The following PDZD7 variants were observed in gnomAD, a reference collection of about 807,000 sequenced individuals.
PDZD7 encodes PDZ domain-containing protein 7.
In PDZD7, 72 loss-of-function variants were observed where a neutral mutation model predicts 84.7. The observed-to-expected ratio is 0.85, with a 90% CI of 0.70 to 1.03. The LOEUF (loss-of-function observed/expected upper bound fraction) is 1.03, where lower values mean the gene tolerates loss of function less well. Ranked by LOEUF, PDZD7 falls within the 50% of genes least tolerant of loss-of-function variation. The pLI is 0.00. For missense variants in PDZD7, 1,490 were observed against 1,412.9 expected (o/e 1.05, Z -0.87); for synonymous variants, 594 against 580.7 (o/e 1.02, Z -0.33).
At chr10:101,012,831 C>T (rs900405683) in intron 11 of PDZD7, among the ~76,000 whole-genome samples, 4 of 152,192 alleles carry the variant, frequency 2.6e-5, no homozygotes, top group Non-Finnish European at 1.5e-5. Context: ...AGGCTTTGTT[C>T]GGGGCTAGAA....
In PDZD7 at chr10:101,030,004, G is replaced by A. The variant is rs1937995944; in HGVS notation, c.216C>T (p.Ser72=). The A allele has an allele frequency of 6.2e-7, 1 of 1,612,872 alleles. No individual in the cohort carries two copies. Among genetic ancestry groups the A allele is most frequent in the Middle Eastern group, 2.0e-4 (1 of 5,106 alleles). ...SPMGRVILIN[S]PIEANSDESD... Reference sequence around the variant, plus strand: ...GGGTCCCGCCCCTACCTTCGATGGGGGAGTTGATGAGGATGACGCGTCCCA... The same window carrying A: ...GGGTCCCGCCCCTACCTTCGATGGGAGAGTTGATGAGGATGACGCGTCCCA... The change falls in exon 2 of 17, where the codon TCC becomes TCT. Residue 72 remains serine (S), a synonymous_variant. Coordinates refer to ENST00000619208, the MANE Select transcript of PDZD7 (RefSeq NM_001195263.2).
At position 101,008,601 on chromosome 10, in the gene PDZD7, G is replaced by A. The variant is rs1188645096; in HGVS notation, c.2968C>T (p.Leu990Phe). The A allele has an allele frequency of 2.0e-6, 3 of 1,536,032 alleles. No homozygotes were observed. Among genetic ancestry groups the A allele is most frequent in the South Asian group, 1.2e-5 (1 of 84,056 alleles). Reference sequence around the variant, plus strand: ...TGGGGATTGGTGGGAGGTTCTGGGAGCCAGTGGGCAGGAACTGGAGCAGCA... The same window carrying A: ...TGGGGATTGGTGGGAGGTTCTGGGAACCAGTGGGCAGGAACTGGAGCAGCA... ...LDAAPVPAHW[L>F]PEPPTNPQTP... Residue 990 changes from leucine to phenylalanine, a missense_variant, in exon 17 of 17, where the codon CTC (leucine) becomes TTC (phenylalanine). Transcript: ENST00000619208.
rs200896335 is a variant in PDZD7 at position 101,010,536 on chromosome 10, TGCTGCG to T, written c.2347_2352del (p.Arg783_Ser784del). On this transcript the variant is annotated inframe_deletion, in exon 15 of 17. Transcript: ENST00000619208. ...CCTGGAGACTTGCCTTGACCCCGGC[TGCTGCG>T]GCTGCGGCTGCGGCTACGGCTGCGG... 5.4e-5 allele frequency: 83 copies of T among 1,523,832 alleles called. No homozygotes were observed. The East Asian group carries it at 5.7e-4, about 10-fold the overall frequency. The allele number at this position is 1,523,832 out of a possible 1,614,324, so 94.4% of individuals were successfully genotyped here. A position where few individuals can be genotyped will look rare whatever the true frequency, so the allele number is the denominator to read the frequency against.
Position 101,015,806 on chromosome 10 carries a change from C to T in PDZD7, c.1579G>A (p.Glu527Lys), listed in dbSNP as rs773904973. 232 of 1,548,172 alleles carry T rather than the reference C, an allele frequency of 1.5e-4. 3 individuals are homozygous for T. In the South Asian group the frequency reaches 2.7e-3, roughly 18 times the overall value. The change falls in exon 11 of 17, where the codon GAG becomes AAG. Residue 527 changes from glutamate (E) to lysine (K), a missense_variant. Physicochemically the swap from Glu to Lys is moderately conservative, Grantham distance 56 (BLOSUM62 1). Transcript: ENST00000619208. The part of the protein sequence containing the change: ...FVTWRLRRDQ[E>K]RGRALLSARS... ...GCAGACAGCAGGGCCCGGCCCCTCT[C>T]CTGGTCTGCAGGGCAGGAACCATCA...
At position 101,030,147 on chromosome 10, in the gene PDZD7, GGGAGCTCAGAGAGCC is replaced by G. The variant is rs1369713290; in HGVS notation, c.58_72del (p.Gly20_Ser24del). ...CTGCCTAGGTGGCCTCGGGAGGAGA[GGGAGCTCAGAGAGCC>G]GGAGCTCAGGTCTCCTAGGCCCAGT... On this transcript the variant is annotated inframe_deletion, in exon 2 of 17. Coordinates refer to ENST00000619208, the MANE Select transcript of PDZD7 (RefSeq NM_001195263.2). 2 of 1,614,118 alleles carry G rather than the reference GGGAGCTCAGAGAGCC, an allele frequency of 1.2e-6. No homozygotes were observed. The highest frequency in any genetic ancestry group is 1.7e-6 in the Non-Finnish European group (2 of 1,180,024).
chr10:101,009,053 C>T (rs914095858), intron 16 of PDZD7, among the ~76,000 whole-genome samples, 197 bp downstream of exon 16: 1 of 152,142 alleles, frequency 6.6e-6, no homozygotes, highest in Non-Finnish European at 1.5e-5. Flanking sequence ...TCCCTTGGGG[C>T]TCAGGCTCAG....
intron 2 of PDZD7, among the ~76,000 whole-genome samples, chr10:101,024,980 T>C (rs2134113467): frequency 6.6e-6 from 1 of 152,036 alleles, no homozygotes; most frequent in South Asian, 2.1e-4. Flanking sequence ...TTCTGTTCTA[T>C]GGGGGATGGT....
chr10:101,025,709 G>A (rs571937805), intron 2 of PDZD7, among the ~76,000 whole-genome samples: 7 of 150,940 alleles, frequency 4.6e-5, no homozygotes, highest in South Asian at 2.1e-4. Flanking sequence ...CACCACGCCC[G>A]GCTAATTTTT....
chr10:101,027,469 T>A (rs991635177), intron 2 of PDZD7, among the ~76,000 whole-genome samples: 1 of 152,154 alleles, frequency 6.6e-6, no homozygotes, highest in African/African-American at 2.4e-5. Context: ...AGTGAGTACC[T>A]CTTGTAGGGC....
chr10:101,018,363 G>A (rs1304155465), intron 8 of PDZD7, 67 bp from the exon 9 acceptor site: 14 of 1,544,358 alleles, frequency 9.1e-6, no homozygotes, highest in Non-Finnish European at 1.2e-5. Flanking sequence ...AGGGGCAGGG[G>A]TGTGGGGAGG....
At chr10:101,025,806 T>C (rs544109932) in intron 2 of PDZD7, among the ~76,000 whole-genome samples, 25 of 150,646 alleles carry the variant, frequency 1.7e-4, no homozygotes, top group East Asian at 4.0e-4. Flanking sequence ...CTTGGCCTCC[T>C]AAAGTGCTGA....
rs1253463199 is a variant in PDZD7 at position 101,007,926 on chromosome 10, C to G, written c.*541G>C. On this transcript the variant is annotated 3_prime_UTR_variant, in exon 17 of 17. Transcript: ENST00000619208. ...CTATTCTCCTCCCCCTCATAGAGCT[C>G]TCTTGGGGAGAAAAGGTGATGGAGG... The G allele has an allele frequency of 7.7e-6, 1 of 129,636 alleles. No homozygotes were observed. Among genetic ancestry groups the G allele is most frequent in the Non-Finnish European group, 1.6e-5 (1 of 63,886 alleles). The allele number at this position is 129,636 out of a possible 1,614,324, so 8.0% of individuals were successfully genotyped here.
In PDZD7 at chr10:101,008,740, C is replaced by T; in HGVS notation, c.2829G>A (p.Met943Ile). ...RAYRNKAREP[M>I]ELVVRVPGPS... ...GCCCGGGGACCCTGACCACAAGCTC[C>T]ATGGGCTCCCGGGCCTTGTTTCGAT... Residue 943 changes from methionine to isoleucine, a missense_variant, in exon 17 of 17, where the codon ATG becomes ATA. Coordinates refer to ENST00000619208, the MANE Select transcript of PDZD7 (RefSeq NM_001195263.2). 2 of 1,535,964 alleles carry T rather than the reference C, an allele frequency of 1.3e-6. No individual in the cohort carries two copies. Among genetic ancestry groups the T allele is most frequent in the South Asian group, 1.2e-5 (1 of 84,054 alleles).
chr10:101,017,896 G>GAA (rs1180992720), intron 9 of PDZD7: 3 of 391,930 alleles, frequency 7.7e-6, no homozygotes, highest in African/African-American at 2.8e-5. Context: ...AGAAAGAAAA[G>GAA]AAAGAAAGAA....
In PDZD7 at chr10:101,015,689, G is replaced by A. The variant is rs1321213780; in HGVS notation, c.1696C>T (p.Gln566Ter). 2 of 1,550,302 alleles carry A rather than the reference G, an allele frequency of 1.3e-6. No individual in the cohort carries two copies. Among genetic ancestry groups the A allele is most frequent in the African/African-American group, 2.7e-5 (2 of 73,036 alleles). ...SRRPLIQDLA[Q>*]RLLTDDEVLA... ...ACCTCGTCATCAGTCAGCAGCCTCT[G>A]GGCCAGGTCCTGAATGAGGGGCCGC... The change falls in exon 11 of 17, where the codon CAG becomes TAG. Residue 566 changes from glutamine to a stop codon, truncating the protein, a stop_gained. Transcript: ENST00000619208. LOFTEE classifies it high-confidence loss of function.
In PDZD7 at chr10:101,018,087, C is replaced by T. The variant is rs1268819506; in HGVS notation, c.1522+12G>A. ...TCACTTTGCCTTCCTGTTTGATCAG[C>T]CCACTACTTACCTTTCTCTATGTCC... On this transcript the variant is annotated intron_variant, in intron 9 of 16. Coordinates refer to ENST00000619208, the MANE Select transcript of PDZD7 (RefSeq NM_001195263.2). 3.7e-6 allele frequency: 6 copies of T among 1,614,132 alleles called. No homozygotes were observed. The highest frequency in any genetic ancestry group is 5.1e-6 in the Non-Finnish European group (6 of 1,180,000).
chr10:101,018,846 A>G lies in PDZD7; in HGVS notation c.1300T>C (p.Ser434Pro), dbSNP rs1454264686. 2 of 1,603,132 alleles carry G rather than the reference A, an allele frequency of 1.2e-6. No individual in the cohort carries two copies. Among genetic ancestry groups the G allele is most frequent in the East Asian group, 2.2e-5 (1 of 44,460 alleles). Residue 434 changes from serine to proline, a missense_variant, in exon 8 of 17, where the codon TCC (serine) becomes CCC (proline). Ser to Pro is a moderately conservative substitution (Grantham distance 74). Coordinates refer to ENST00000619208, the MANE Select transcript of PDZD7 (RefSeq NM_001195263.2). ...LSRPRPPITR[S>P]QSYLTLWEEK... ...CCCCACAAGGTCAGATAGCTCTGGG[A>G]GCGCGTGATGGGGGGCCGGGGTCGG...
intron 9 of PDZD7, chr10:101,017,441 G>T: frequency 4.1e-6 from 2 of 492,494 alleles, no homozygotes; most frequent in South Asian, 3.5e-5. Context: ...TGCCCAGGCT[G>T]GTCTTAAACT....
At chr10:101,017,850 A>AGAAAGAAG in intron 9 of PDZD7, 1 of 348,060 alleles carries the variant, frequency 2.9e-6, no homozygotes, top group South Asian at 4.3e-5. Context: ...AAAGAAAGAA[A>AGAAAGAAG]GAAAGAAAGA....
Sources: allele counts gnomAD v4.1 joint callset (sites outside exome capture counted in the v4.1 genomes callset), GRCh38; gene constraint gnomAD v4.1.1; transcripts MANE v1.5; gene names NCBI Gene and HGNC (gene_info 2026-07-23, HGNC 2026-07-21).